TCF4: variants seen among roughly 807,000 people sequenced by gnomAD.
TCF4 encodes the protein SL3-3 enhancer factor 2.
Under a neutral mutation model 82.1 loss-of-function variants are expected in TCF4, and 3 were observed. That is an observed-to-expected ratio of 0.04 (90% CI 0.02 to 0.09). The LOEUF is 0.09. Among genes scored for constraint, TCF4 ranks in the 10% least tolerant of loss-of-function variants. The pLI is 1.00. For synonymous variants in TCF4, 276 were observed against 309.6 expected (o/e 0.89, Z 1.14); for missense variants, 518 against 852.7 (o/e 0.61, Z 4.89).
intron 5 of TCF4, among the ~76,000 whole-genome samples, chr18:55,412,955 G>A (rs2094405534): frequency 6.6e-6 from 1 of 151,974 alleles, no homozygotes; most frequent in African/African-American, 2.4e-5. Context: ...TTATAGAGTA[G>A]TCTACATAGG....
chr18:55,303,236 C>CACACACACACACACACACACCCCT (rs2068925254), intron 8 of TCF4, among the ~76,000 whole-genome samples: 4 of 148,428 alleles, frequency 2.7e-5, no homozygotes, highest in Admixed American at 1.3e-4. Context: ...TACACACACA[C>CACACACACACACACACACACCCCT]ACACACACAC....
intron 10 of TCF4, among the ~76,000 whole-genome samples, chr18:55,271,384 A>C (rs2060333966): frequency 6.6e-6 from 1 of 152,140 alleles, no homozygotes; most frequent in African/African-American, 2.4e-5. Flanking sequence ...TAATTATACT[A>C]TACGCTCAAT....
Position 55,234,531 on chromosome 18 carries a change from T to C in TCF4, c.1486+17A>G, listed in dbSNP as rs756276703. On this transcript the variant is annotated intron_variant, in intron 16 of 19. Transcript: ENST00000354452. Reference sequence around the variant, plus strand: ...TGTGAAAGTGAGGTCAGAAGTGCCCTGGTGAGGCCAACCTACCTCTGTAAG... The same window carrying C: ...TGTGAAAGTGAGGTCAGAAGTGCCCCGGTGAGGCCAACCTACCTCTGTAAG... 1.2e-6 allele frequency: 2 copies of C among 1,614,172 alleles called. No homozygotes were observed. Among genetic ancestry groups the C allele is most frequent in the East Asian group, 2.2e-5 (1 of 44,874 alleles).
chr18:55,262,814 T>A (rs1348934842), intron 11 of TCF4, among the ~76,000 whole-genome samples: 1 of 152,218 alleles, frequency 6.6e-6, no homozygotes, highest in East Asian at 1.9e-4. Context: ...ATGAGTTTTC[T>A]TTTTTGTTTT....
At chr18:55,563,139 T>C (rs981437855) in intron 3 of TCF4, among the ~76,000 whole-genome samples, 7 of 149,960 alleles carry the variant, frequency 4.7e-5, no homozygotes, top group African/African-American at 1.7e-4. Flanking sequence ...GTTGGGAGGT[T>C]GAGGTGGGAG....
At chr18:55,316,736 G>C (rs1394088898) in intron 8 of TCF4, among the ~76,000 whole-genome samples, 1 of 152,010 alleles carries the variant, frequency 6.6e-6, no homozygotes, top group African/African-American at 2.4e-5. Context: ...GTATTTAAAA[G>C]ACTGCATCAA....
chr18:55,445,477 C>A (rs2095510105), intron 5 of TCF4, among the ~76,000 whole-genome samples: 1 of 152,132 alleles, frequency 6.6e-6, no homozygotes, highest in African/African-American at 2.4e-5. Flanking sequence ...GGCAAGATAG[C>A]ATGTGCAGGC....
chr18:55,270,001 C>A, intron 10 of TCF4, 38 bp from the exon 11 acceptor site: 2 of 1,611,444 alleles, frequency 1.2e-6, no homozygotes, highest in Non-Finnish European at 8.5e-7. Context: ...CATATTTAAT[C>A]ATAAGGTATT....
chr18:55,278,655 G>C lies in TCF4; in HGVS notation c.655+896C>G, dbSNP rs2061931805. On this transcript the variant is annotated intron_variant, in intron 9 of 19. Transcript: ENST00000354452. ...GCAATCTCAGCTCACTGTAAGCTCT[G>C]CCTCCCAGGTTCATGCCATTCTTCT... is the stretch of plus-strand genomic sequence containing the variant. Among the ~76,000 whole-genome samples the C allele has an allele frequency of 2.0e-5, 3 of 152,232 alleles. No homozygotes were observed. In the South Asian group the frequency reaches 6.2e-4, roughly 32 times the overall value.
intron 3 of TCF4, chr18:55,495,811 C>CT (rs2096628570): frequency 6.6e-6 from 1 of 152,086 alleles, no homozygotes; most frequent in South Asian, 2.1e-4. Context: ...AAGAAAAGAG[C>CT]CATTTTCCAC....
chr18:55,297,217 A>G (rs2066800642), intron 8 of TCF4, among the ~76,000 whole-genome samples: 1 of 148,148 alleles, frequency 6.8e-6, no homozygotes, highest in African/African-American at 2.5e-5. Context: ...AAAAAAAAAA[A>G]AAAAGGAAAG....
chr18:55,569,621 A>T (rs965904225), intron 3 of TCF4, among the ~76,000 whole-genome samples: 3 of 152,078 alleles, frequency 2.0e-5, no homozygotes, highest in African/African-American at 7.2e-5. Context: ...TAATTAAAAA[A>T]ATATACTGGT....
intron 3 of TCF4, among the ~76,000 whole-genome samples, chr18:55,557,229 A>G (rs561032552): frequency 1.3e-5 from 2 of 152,170 alleles, no homozygotes; most frequent in South Asian, 4.1e-4. Flanking sequence ...AGTTGCCCAT[A>G]AACTAATGCA....
chr18:55,273,587 A>G (rs1196031115), intron 10 of TCF4, among the ~76,000 whole-genome samples: 1 of 152,166 alleles, frequency 6.6e-6, no homozygotes, highest in Non-Finnish European at 1.5e-5. Flanking sequence ...CAATAGTTTC[A>G]CTAACAGTGG....
chr18:55,287,027 T>C (rs917725135), intron 8 of TCF4, among the ~76,000 whole-genome samples: 8 of 152,116 alleles, frequency 5.3e-5, no homozygotes, highest in African/African-American at 1.9e-4. Flanking sequence ...CCCAAAACAA[T>C]TCATGGTAAG....
intron 11 of TCF4, among the ~76,000 whole-genome samples, chr18:55,263,946 T>A (rs1363379636): frequency 6.6e-6 from 1 of 152,096 alleles, no homozygotes; most frequent in Admixed American, 6.6e-5. Context: ...GCTACAGTAG[T>A]GGCTTTCAAA....
rs578111177 is a variant in TCF4, at chr18:55,571,758, A to G, written c.145+13522T>C. Among the ~76,000 whole-genome samples the G allele has an allele frequency of 7.4e-5, 11 of 148,920 alleles. No individual in the cohort carries two copies. The South Asian group carries it at 2.3e-3, about 32-fold the overall frequency. The stretch of plus-strand genomic sequence containing the variant: ...AGAGGGTGTTTTTTTTTTTGTTATT[A>G]TATGTTTTGTTTTTAATTATGAAAT... On this transcript the variant is annotated intron_variant, in intron 3 of 19. Transcript: ENST00000354452.
intron 3 of TCF4, among the ~76,000 whole-genome samples, chr18:55,502,990 C>T (rs1351026923): frequency 6.6e-6 from 1 of 152,186 alleles, no homozygotes; most frequent in Non-Finnish European, 1.5e-5. Context: ...ACAGTTGACA[C>T]TTGGTATGTG....
At position 55,489,999 on chromosome 18, in the gene TCF4, G is replaced by A. The variant is rs75721409; in HGVS notation, c.146-25862C>T. ...TCTCCACACGCACCAAAATACATGC[G>A]GATACTTTTTTAATGACACATGAAG... On this transcript the variant is annotated intron_variant, in intron 3 of 19. Transcript: ENST00000354452. 5.3e-4 allele frequency among the ~76,000 whole-genome samples: 80 copies of A among 152,204 alleles called. No homozygotes were observed. In the East Asian group the frequency reaches 0.014, roughly 28 times the overall value.
Sources: allele counts gnomAD v4.1 joint callset (sites outside exome capture counted in the v4.1 genomes callset), GRCh38; gene constraint gnomAD v4.1.1; transcripts MANE v1.5; gene names NCBI Gene and HGNC (gene_info 2026-07-23, HGNC 2026-07-21).